Variants in KCNJ6 observed in about 807,000 individuals in gnomAD.
KCNJ6 encodes G protein-activated inward rectifier potassium channel 2.
Under a neutral mutation model 34.2 loss-of-function variants are expected in KCNJ6, and 9 were observed. The ratio of observed to expected loss-of-function variants is 0.26; its 90% CI spans 0.16 to 0.46. KCNJ6 has a LOEUF of 0.46. KCNJ6 is among the 20% of genes least tolerant of loss of function. The probability of loss-of-function intolerance (pLI) is 1.00; values close to 1 mark genes in which losing one functional copy is unlikely to be tolerated. For missense variants in KCNJ6, 236 were observed against 531.3 expected (o/e 0.44, Z 5.46); for synonymous variants, 196 against 207.1 (o/e 0.95, Z 0.46).
chr21:37,809,149 G>T (rs1390769156), intron 2 of KCNJ6, among the ~76,000 whole-genome samples: 2 of 152,168 alleles, frequency 1.3e-5, no homozygotes, highest in Non-Finnish European at 2.9e-5. Context: ...CGATAGACTG[G>T]ATTAAGAAAA....
rs2054303030 is a variant in KCNJ6, at chr21:37,624,722, G to A, written c.*437C>T. The stretch of plus-strand genomic sequence containing the variant: ...CACCTCACCCTGTAGTAGATGAAAT[G>A]AATTGGGATCCATAAAACTGAGGGC... On this transcript the variant is annotated 3_prime_UTR_variant, in exon 4 of 4. Coordinates refer to ENST00000609713, the MANE Select transcript of KCNJ6 (RefSeq NM_002240.5). 5.7e-6 allele frequency: 1 copy of A among 176,142 alleles called. No individual in the cohort carries two copies. The highest frequency in any genetic ancestry group is 5.7e-5 in the Admixed American group (1 of 17,568). 10.9% of individuals were successfully genotyped at this position (176,142 alleles called of 1,614,324 possible).
rs2054246609 is a variant in KCNJ6 at position 37,612,645 on chromosome 21, G to A, written c.*12514C>T. The A allele has an allele frequency of 6.6e-6, 1 of 150,834 alleles. No homozygotes were observed. Among genetic ancestry groups the A allele is most frequent in the African/African-American group, 2.4e-5 (1 of 40,962 alleles). The allele number at this position is 150,834 out of a possible 1,614,324, so 9.3% of individuals were successfully genotyped here. A position where few individuals can be genotyped will look rare whatever the true frequency, so the allele number is the denominator to read the frequency against. On this transcript the variant is annotated 3_prime_UTR_variant, in exon 4 of 4. Coordinates refer to ENST00000609713, the MANE Select transcript of KCNJ6 (RefSeq NM_002240.5). ...TAGTTAACTGATCCTTGGCAAAGGA[G>A]CACAGGCAAAACAGTGCGGCAAAGA...
At chr21:37,905,670 C>T (rs2055838140) in intron 1 of KCNJ6, among the ~76,000 whole-genome samples, 1 of 152,210 alleles carries the variant, frequency 6.6e-6, no homozygotes, top group South Asian at 2.1e-4. Flanking sequence ...TAGCACCATT[C>T]TCTTGTGTAA....
At chr21:37,650,729 A>G (rs1193470629) in intron 3 of KCNJ6, among the ~76,000 whole-genome samples, 2 of 152,224 alleles carry the variant, frequency 1.3e-5, no homozygotes, top group South Asian at 2.1e-4. Context: ...ATTCATTACA[A>G]TTATCAAAAG....
intron 3 of KCNJ6, among the ~76,000 whole-genome samples, chr21:37,707,731 G>GTGTGTGTGTGTGTGTATATGTGTGCA (rs1556022152): frequency 3.3e-5 from 5 of 150,940 alleles, no homozygotes; most frequent in Admixed American, 6.6e-5. Flanking sequence ...GCATGTGTGT[G>GTGTGTGTGTGTGTGTATATGTGTGCA]TGTGAATAAT....
chr21:37,751,455 A>T (rs2054994989), intron 2 of KCNJ6, among the ~76,000 whole-genome samples: 1 of 152,182 alleles, frequency 6.6e-6, no homozygotes, highest in African/African-American at 2.4e-5. Flanking sequence ...TATCAGTATT[A>T]TGTGCCTATT....
At chr21:37,883,264 C>A (rs145534220) in intron 1 of KCNJ6, among the ~76,000 whole-genome samples, 48 of 152,334 alleles carry the variant, frequency 3.2e-4, no homozygotes, top group African/African-American at 1.1e-3. Context: ...GTATTTTACT[C>A]TTTGCAAGTC....
At chr21:37,825,759 T>C (rs1007915290) in intron 2 of KCNJ6, among the ~76,000 whole-genome samples, 2 of 152,042 alleles carry the variant, frequency 1.3e-5, no homozygotes, top group African/African-American at 4.8e-5. Context: ...GGAGGCCTCA[T>C]AATCATGGCA....
intron 3 of KCNJ6, among the ~76,000 whole-genome samples, chr21:37,647,212 G>C (rs1167861647): frequency 1.3e-5 from 2 of 152,148 alleles, no homozygotes; most frequent in Non-Finnish European, 2.9e-5. Flanking sequence ...ATTATAACTT[G>C]AAGGGGCTGA....
At chr21:37,665,730 G>C (rs924229559) in intron 3 of KCNJ6, among the ~76,000 whole-genome samples, 1 of 152,218 alleles carries the variant, frequency 6.6e-6, no homozygotes, top group Admixed American at 6.5e-5. Context: ...CCTCCCTCAA[G>C]TATCACAGAC....
intron 3 of KCNJ6, among the ~76,000 whole-genome samples, chr21:37,693,040 C>A (rs2054647206): frequency 6.6e-6 from 1 of 151,306 alleles, no homozygotes; most frequent in African/African-American, 2.5e-5. Context: ...TATGTTCCAT[C>A]ATGTTTTCAA....
chr21:37,875,512 T>C lies in KCNJ6; in HGVS notation c.-27-34803A>G, dbSNP rs151210289. Among the ~76,000 whole-genome samples, 65 of 152,326 alleles carry C rather than the reference T, an allele frequency of 4.3e-4. No homozygotes were observed. In the East Asian group the frequency reaches 0.011, roughly 26 times the overall value. The stretch of plus-strand genomic sequence containing the variant: ...TGGGGGCCAGGTCACAGGAGGCTCC[T>C]GGCTTCTACCCTAGGGTTCCTCGGG... On this transcript the variant is annotated intron_variant, in intron 1 of 3. Transcript: ENST00000609713.
chr21:37,803,067 T>C (rs1048663762), intron 2 of KCNJ6, among the ~76,000 whole-genome samples: 1 of 152,244 alleles, frequency 6.6e-6, no homozygotes, highest in Non-Finnish European at 1.5e-5. Flanking sequence ...TTTCAAATAG[T>C]TGACGTCCTT....
intron 2 of KCNJ6, among the ~76,000 whole-genome samples, chr21:37,816,074 C>G (rs2835982): frequency 1.6e-3 from 236 of 152,124 alleles, no homozygotes; most frequent in African/African-American, 5.5e-3. Context: ...TGAAGGGAAC[C>G]AAGCTCTGAT....
intron 1 of KCNJ6, 136 bp from the exon 2 acceptor site, chr21:37,840,845 A>G (rs562633078): frequency 5.7e-5 from 33 of 577,500 alleles, no homozygotes; most frequent in Non-Finnish European, 9.4e-5. Flanking sequence ...TAAATGAATA[A>G]AAAACCCACA....
chr21:37,911,524 T>G (rs1299742230), intron 1 of KCNJ6, among the ~76,000 whole-genome samples: 1 of 152,186 alleles, frequency 6.6e-6, no homozygotes, highest in Non-Finnish European at 1.5e-5. Flanking sequence ...TTTAAACATC[T>G]TAATTCCACC....
intron 1 of KCNJ6, 129 bp from the exon 2 acceptor site, chr21:37,840,838 A>G: frequency 1.7e-6 from 1 of 582,402 alleles, no homozygotes; most frequent in Non-Finnish European, 3.1e-6. Context: ...CAATAATTAA[A>G]TGAATAAAAA....
At chr21:37,724,199 C>T (rs2054841999) in intron 2 of KCNJ6, among the ~76,000 whole-genome samples, 1 of 151,962 alleles carries the variant, frequency 6.6e-6, no homozygotes, top group East Asian at 1.9e-4. Flanking sequence ...CTCTGAAGAG[C>T]AGTGGTATGG....
At chr21:37,734,771 T>C (rs976686125) in intron 2 of KCNJ6, among the ~76,000 whole-genome samples, 1 of 152,062 alleles carries the variant, frequency 6.6e-6, no homozygotes, top group African/African-American at 2.4e-5. Context: ...GCCCACTCTG[T>C]CTCCCTCTTG....
Sources: allele counts gnomAD v4.1 joint callset (sites outside exome capture counted in the v4.1 genomes callset), GRCh38; gene constraint gnomAD v4.1.1; transcripts MANE v1.5; gene names NCBI Gene and HGNC (gene_info 2026-07-23, HGNC 2026-07-21).